Variants in DOK6 observed in about 807,000 individuals in gnomAD.
The protein encoded by DOK6 is docking protein 6.
In DOK6, 22 loss-of-function variants were observed where a neutral mutation model predicts 44.0. The ratio of observed to expected loss-of-function variants is 0.50; its 90% CI spans 0.36 to 0.71. The LOEUF (loss-of-function observed/expected upper bound fraction) is 0.71. Ranked by LOEUF, DOK6 falls within the 30% of genes least tolerant of loss-of-function variation. The pLI is 0.00. For synonymous variants in DOK6, 166 were observed against 145.5 expected (o/e 1.14, Z -1.01); for missense variants, 340 against 416.4 (o/e 0.82, Z 1.60).
At chr18:69,500,766 G>A (rs1192292105) in intron 1 of DOK6, among the ~76,000 whole-genome samples, 1 of 152,068 alleles carries the variant, frequency 6.6e-6, no homozygotes, top group Non-Finnish European at 1.5e-5. Flanking sequence ...ACCCTGAAAT[G>A]TAAATTAATT....
intron 7 of DOK6, among the ~76,000 whole-genome samples, chr18:69,769,891 G>T (rs1487627939): frequency 6.6e-6 from 1 of 152,056 alleles, no homozygotes; most frequent in Non-Finnish European, 1.5e-5. Context: ...TCGGTAAGTG[G>T]GTGGGAGTGA....
intron 1 of DOK6, among the ~76,000 whole-genome samples, chr18:69,430,587 C>T (rs1157932112): frequency 6.6e-6 from 1 of 151,912 alleles, no homozygotes; most frequent in Non-Finnish European, 1.5e-5. Context: ...TTTTTCTTTC[C>T]CTAATTGGAA....
At chr18:69,744,770 C>T (rs1235503349) in intron 6 of DOK6, among the ~76,000 whole-genome samples, 1 of 151,736 alleles carries the variant, frequency 6.6e-6, no homozygotes, top group Non-Finnish European at 1.5e-5. Flanking sequence ...ACTAAAAATA[C>T]AAAAAGTTAG....
At chr18:69,770,961 T>C (rs1979872110) in intron 7 of DOK6, among the ~76,000 whole-genome samples, 1 of 152,110 alleles carries the variant, frequency 6.6e-6, no homozygotes, top group Non-Finnish European at 1.5e-5. Context: ...AAAGTGTAAA[T>C]GTCTTCTTAG....
At chr18:69,727,289 A>G (rs1354455395) in intron 5 of DOK6, among the ~76,000 whole-genome samples, 1 of 152,172 alleles carries the variant, frequency 6.6e-6, no homozygotes, top group African/African-American at 2.4e-5. Context: ...AGTTTGGGGG[A>G]ACACAAACAT....
At chr18:69,605,076 TTGTGTGTG>T (rs71176987) in intron 3 of DOK6, among the ~76,000 whole-genome samples, 1,265 of 125,842 alleles carry the variant, frequency 0.01, 11 homozygotes, top group Non-Finnish European at 0.015. Context: ...AGAGATCCCT[TTGTGTGTG>T]TGTGTGTGTG....
intron 7 of DOK6, among the ~76,000 whole-genome samples, chr18:69,837,114 C>T (rs1028957321): frequency 6.6e-6 from 1 of 152,110 alleles, no homozygotes; most frequent in African/African-American, 2.4e-5. Flanking sequence ...GGAGAATATT[C>T]TAAGTATGTC....
chr18:69,560,485 T>C (rs1476841082), intron 1 of DOK6, among the ~76,000 whole-genome samples: 1 of 152,098 alleles, frequency 6.6e-6, no homozygotes, highest in East Asian at 1.9e-4. Context: ...CAAACTACTG[T>C]GAAATATAGT....
At chr18:69,569,478 C>T (rs1983063045) in intron 2 of DOK6, among the ~76,000 whole-genome samples, 1 of 152,146 alleles carries the variant, frequency 6.6e-6, no homozygotes, top group Admixed American at 6.5e-5. Flanking sequence ...GTGACAATTA[C>T]AATGTCCAAT....
chr18:69,635,656 C>A (rs1984788257), intron 3 of DOK6, among the ~76,000 whole-genome samples: 1 of 151,738 alleles, frequency 6.6e-6, no homozygotes, highest in Non-Finnish European at 1.5e-5. Flanking sequence ...GTGGTAGCAT[C>A]ACAATTACCA....
At chr18:69,506,611 C>A (rs1156387801) in intron 1 of DOK6, among the ~76,000 whole-genome samples, 2 of 152,024 alleles carry the variant, frequency 1.3e-5, no homozygotes, top group South Asian at 2.1e-4. Context: ...AATACTATTT[C>A]TTTAAATAGA....
intron 7 of DOK6, among the ~76,000 whole-genome samples, chr18:69,762,152 T>TGC (rs2144758793): frequency 9.5e-6 from 1 of 105,730 alleles, no homozygotes; most frequent in South Asian, 2.9e-4. Flanking sequence ...TCTGCATGCA[T>TGC]ACATACATAC....
At chr18:69,655,382 G>T (rs1359614508) in intron 3 of DOK6, among the ~76,000 whole-genome samples, 1 of 152,082 alleles carries the variant, frequency 6.6e-6, no homozygotes, top group Non-Finnish European at 1.5e-5. Flanking sequence ...CCATTGAAAT[G>T]GAAAGGATTA....
At chr18:69,542,978 A>G (rs1177143777) in intron 1 of DOK6, among the ~76,000 whole-genome samples, 1 of 151,560 alleles carries the variant, frequency 6.6e-6, no homozygotes, top group African/African-American at 2.4e-5. Context: ...ATGAAAGGAT[A>G]GAAAGATTGT....
At chr18:69,514,008 T>C (rs897975007) in intron 1 of DOK6, among the ~76,000 whole-genome samples, 11 of 152,270 alleles carry the variant, frequency 7.2e-5, no homozygotes, top group Admixed American at 1.3e-4. Context: ...ATGTAACTTA[T>C]TGATTTTATA....
intron 1 of DOK6, among the ~76,000 whole-genome samples, chr18:69,463,871 G>A (rs1351443676): frequency 6.6e-6 from 1 of 152,022 alleles, no homozygotes; most frequent in Admixed American, 6.6e-5. Flanking sequence ...CACTATGTCT[G>A]TCAGGCTAAT....
intron 1 of DOK6, among the ~76,000 whole-genome samples, chr18:69,458,923 C>T (rs1274327905): frequency 3.1e-5 from 4 of 129,032 alleles, no homozygotes; most frequent in South Asian, 2.5e-4. Flanking sequence ...GAAACCCAGT[C>T]TTTACTAAAA....
intron 1 of DOK6, among the ~76,000 whole-genome samples, chr18:69,458,906 A>C (rs2122471255): frequency 6.7e-6 from 1 of 150,344 alleles, no homozygotes; most frequent in South Asian, 2.1e-4. Flanking sequence ...AGCTTGTCCA[A>C]CATGGTGAAA....
At position 69,617,740 on chromosome 18, in the gene DOK6, GGGAAGGAAGGAA is replaced by G. The variant is rs1400933873; in HGVS notation, c.289+18247_289+18258del. ...GAAAGAAAGAAAAAAGGGGGAAGGAGGGAAGGAAGGAAGGAAAGAAGGAAGGAAGGAACGGAG... is the reference window on the plus strand; with the variant it reads ...GAAAGAAAGAAAAAAGGGGGAAGGAGGGAAAGAAGGAAGGAAGGAACGGAG... On this transcript the variant is annotated intron_variant, in intron 3 of 7. Transcript: ENST00000382713. Among the ~76,000 whole-genome samples, 3 of 51,954 alleles carry G rather than the reference GGGAAGGAAGGAA, an allele frequency of 5.8e-5. No homozygotes were observed. In the Admixed American group the frequency reaches 6.4e-4, roughly 11 times the overall value. The allele number at this position is 51,954 out of a possible 152,430, so 34.1% of individuals were successfully genotyped here. A position where few individuals can be genotyped will look rare whatever the true frequency, so the allele number is the denominator to read the frequency against.
Sources: gnomAD v4.1 joint callset for allele counts (sites outside exome capture counted in the v4.1 genomes callset) on GRCh38, gnomAD v4.1.1 for gene constraint, MANE v1.5 for transcripts, NCBI Gene and HGNC (gene_info 2026-07-23, HGNC 2026-07-21) for gene names.